The following CA13 variants were observed in gnomAD, a reference collection of about 807,000 sequenced individuals.
The protein encoded by CA13 is CA-XIII.
In CA13, 21 loss-of-function variants were observed where a neutral mutation model predicts 31.5. The observed-to-expected ratio is 0.67, with a 90% CI of 0.47 to 0.96. CA13 has a LOEUF of 0.96. CA13 is among the 40% of genes least tolerant of loss of function. The pLI is 0.00. For missense variants in CA13, 315 were observed against 318.9 expected (o/e 0.99, Z 0.09); for synonymous variants, 117 against 111.4 (o/e 1.05, Z -0.32).
intron 1 of CA13, among the ~76,000 whole-genome samples, chr8:85,248,248 G>C (rs909094431): frequency 6.6e-6 from 1 of 152,018 alleles, no homozygotes; most frequent in Non-Finnish European, 1.5e-5. Flanking sequence ...ACCTGAGATC[G>C]GGAGTTCAAG....
At chr8:85,275,099 G>A (rs1422354588) in intron 6 of CA13, among the ~76,000 whole-genome samples, 5 of 152,162 alleles carry the variant, frequency 3.3e-5, no homozygotes, top group Admixed American at 6.6e-5. Context: ...CACTTAGGCT[G>A]GGGTATGCGG....
intron 2 of CA13, among the ~76,000 whole-genome samples, chr8:85,253,689 C>G (rs1157776633): frequency 6.6e-6 from 1 of 152,128 alleles, no homozygotes; most frequent in Non-Finnish European, 1.5e-5. Context: ...ATATTTCTTT[C>G]AACCCCTCAG....
intron 6 of CA13, among the ~76,000 whole-genome samples, chr8:85,273,687 C>T (rs1393438864): frequency 2.6e-5 from 4 of 151,978 alleles, no homozygotes; most frequent in Non-Finnish European, 5.9e-5. Flanking sequence ...TGGGACACTT[C>T]CTGTTTACAG....
Position 85,245,468 on chromosome 8 carries a change from TG to T in CA13, c.-359del, listed in dbSNP as rs1813705478. 1 of 245,134 alleles carries T rather than the reference TG, an allele frequency of 4.1e-6. No homozygotes were observed. The highest frequency in any genetic ancestry group is 7.8e-6 in the Non-Finnish European group (1 of 127,506). 15.2% of individuals were successfully genotyped at this position (245,134 alleles called of 1,614,324 possible). A position where few individuals can be genotyped will look rare whatever the true frequency, so the allele number is the denominator to read the frequency against. ...AGGCTCTGGTGACTCATTCACTTCCTGGAAGTCCTCTAGGCAACACTTTCCT... is the reference window on the plus strand; with the variant it reads ...AGGCTCTGGTGACTCATTCACTTCCTGAAGTCCTCTAGGCAACACTTTCCT... On this transcript the variant is annotated 5_prime_UTR_variant, in exon 1 of 7. Coordinates refer to ENST00000321764, the MANE Select transcript of CA13 (RefSeq NM_198584.3).
chr8:85,262,264 G>A (rs1219709921), intron 3 of CA13, among the ~76,000 whole-genome samples: 1 of 152,144 alleles, frequency 6.6e-6, no homozygotes, highest in East Asian at 1.9e-4. Context: ...GCTTACTGAT[G>A]CTTACCCTGA....
intron 1 of CA13, 98 bp downstream of exon 1, chr8:85,245,963 A>C (rs1042214784): frequency 2.9e-6 from 4 of 1,389,438 alleles, no homozygotes; most frequent in Admixed American, 3.4e-5. Context: ...GGGCTCGCAC[A>C]TTGAGAAACT....
chr8:85,280,205 G>A (rs1807680683), intron 6 of CA13, among the ~76,000 whole-genome samples: 1 of 152,158 alleles, frequency 6.6e-6, no homozygotes, highest in Admixed American at 6.5e-5. Context: ...GCTTGAACCT[G>A]GGAGGTGGAG....
intron 2 of CA13, among the ~76,000 whole-genome samples, chr8:85,251,799 A>G (rs995450818): frequency 2.0e-5 from 3 of 152,226 alleles, no homozygotes; most frequent in Non-Finnish European, 4.4e-5. Flanking sequence ...TATTTCTTCC[A>G]TAATATTTCG....
chr8:85,247,897 T>G (rs1420431682), intron 1 of CA13, among the ~76,000 whole-genome samples: 3 of 117,298 alleles, frequency 2.6e-5, no homozygotes, highest in South Asian at 5.4e-4. Flanking sequence ...TTGTTTTTTT[T>G]TTTTTTTCTG....
chr8:85,264,799 C>T (rs1207139285), intron 3 of CA13, among the ~76,000 whole-genome samples: 8 of 152,212 alleles, frequency 5.3e-5, no homozygotes, highest in Non-Finnish European at 4.4e-5. Flanking sequence ...CTTATCAGCC[C>T]TTCCCTGACA....
chr8:85,260,205 T>C (rs536337907), intron 3 of CA13, among the ~76,000 whole-genome samples: 4 of 152,316 alleles, frequency 2.6e-5, no homozygotes, highest in Admixed American at 2.6e-4. Flanking sequence ...CTGTGCAGGA[T>C]CTGGATTAAA....
chr8:85,263,194 G>T (rs1309436030), intron 3 of CA13, among the ~76,000 whole-genome samples: 1 of 152,202 alleles, frequency 6.6e-6, no homozygotes, highest in Non-Finnish European at 1.5e-5. Flanking sequence ...GGCCTATTAG[G>T]ATTGGAATTA....
chr8:85,245,596 TAAGA>T lies in CA13; in HGVS notation c.-232_-229del, dbSNP rs1813708123. Reference sequence around the variant, plus strand: ...AAATCTCTCATTCCCGAGTCCAAACTAAGAGAGACTCGCGCCCCAGGAGTCAGCC... The same window carrying T: ...AAATCTCTCATTCCCGAGTCCAAACTGAGACTCGCGCCCCAGGAGTCAGCC... On this transcript the variant is annotated 5_prime_UTR_variant, in exon 1 of 7. Transcript: ENST00000321764. The T allele has an allele frequency of 3.5e-6, 2 of 567,442 alleles. No homozygotes were observed. The highest frequency in any genetic ancestry group is 3.3e-5 in the Admixed American group (1 of 30,332). The allele number at this position is 567,442 out of a possible 1,614,324, so 35.2% of individuals were successfully genotyped here.
In CA13 at chr8:85,245,826, A is replaced by G. The variant is rs1813714685; in HGVS notation, c.-3A>G. ...CTTTCTCTTCCTTCCACCCCGAGGG[A>G]CCATGTCGAGGCTCAGCTGGGGATA... On this transcript the variant is annotated 5_prime_UTR_variant, in exon 1 of 7. Transcript: ENST00000321764. The G allele has an allele frequency of 6.2e-7, 1 of 1,613,940 alleles. No individual in the cohort carries two copies.
intron 3 of CA13, among the ~76,000 whole-genome samples, chr8:85,263,267 G>A (rs1807409487): frequency 1.3e-5 from 2 of 152,186 alleles, no homozygotes; most frequent in Non-Finnish European, 2.9e-5. Context: ...GCCACATCGG[G>A]TACTGTTGGG....
intron 5 of CA13, 151 bp from the exon 6 acceptor site, chr8:85,268,321 A>G (rs1029885451): frequency 2.9e-6 from 2 of 682,354 alleles, no homozygotes; most frequent in African/African-American, 3.6e-5. Context: ...ATGCTTTTTT[A>G]AAGATACTAA....
chr8:85,249,118 G>A (rs1813781535), intron 1 of CA13, among the ~76,000 whole-genome samples: 1 of 152,168 alleles, frequency 6.6e-6, no homozygotes, highest in Admixed American at 6.5e-5. Context: ...TTTATGCTAT[G>A]ACTTTTTGTG....
At chr8:85,251,279 G>A (rs939820767) in intron 2 of CA13, among the ~76,000 whole-genome samples, 1 of 152,128 alleles carries the variant, frequency 6.6e-6, no homozygotes, top group Non-Finnish European at 1.5e-5. Context: ...TGGGATTACA[G>A]GCGTGAGCCA....
intron 6 of CA13, among the ~76,000 whole-genome samples, chr8:85,269,580 CTT>C (rs919920321): frequency 6.6e-6 from 1 of 152,136 alleles, no homozygotes; most frequent in African/African-American, 2.4e-5. Context: ...TTGACAAAAA[CTT>C]TTGTTGGGCT....
Sources: allele counts gnomAD v4.1 joint callset (sites outside exome capture counted in the v4.1 genomes callset), GRCh38; gene constraint gnomAD v4.1.1; transcripts MANE v1.5; gene names NCBI Gene and HGNC (gene_info 2026-07-23, HGNC 2026-07-21).